The following PLXNB3 variants were observed in gnomAD, a reference collection of about 807,000 sequenced individuals.
PLXNB3 encodes plexin-B3.
PLXNB3 carries 80 observed loss-of-function variants against 125.7 expected under a neutral mutation model. That is an observed-to-expected ratio of 0.64 (90% CI 0.53 to 0.77). The LOEUF is 0.77. Ranked by LOEUF, PLXNB3 falls within the 30% of genes least tolerant of loss-of-function variation. PLXNB3 has a pLI of 0.00. For missense variants in PLXNB3, 1,836 were observed against 1,729.3 expected, an observed-to-expected ratio of 1.06 and a Z score of -1.09; for synonymous variants, 954 against 783.3, an observed-to-expected ratio of 1.22 and a Z score of -3.64.
chrX:153,771,176 C>T (rs1329442573), intron 12 of PLXNB3, 95 bp downstream of exon 12: 65 of 930,657 alleles, frequency 7.0e-5, no homozygotes, highest in Middle Eastern at 3.3e-4. Flanking sequence ...GGGCCCATAA[C>T]CTCTGTCTGT....
Position 153,773,928 on chromosome X carries a change from G to A in PLXNB3, c.3349G>A (p.Ala1117Thr), listed in dbSNP as rs781969979. ...LCRSPAVPDR[A>T]HPQRVFFTLD... Reference sequence around the variant, plus strand: ...CCGGAGCCCTGCTGTACCAGACAGAGCCCACCCGCAGCGGGTCTTCTTCAC... The same window carrying A: ...CCGGAGCCCTGCTGTACCAGACAGAACCCACCCGCAGCGGGTCTTCTTCAC... The change falls in exon 20 of 36, where the codon GCC (alanine) becomes ACC (threonine). Residue 1117 changes from alanine to threonine, a missense_variant. Coordinates refer to ENST00000361971, the MANE Select transcript of PLXNB3 (RefSeq NM_005393.3). 6.6e-6 allele frequency: 8 copies of A among 1,210,168 alleles called. No homozygotes were observed. The highest frequency in any genetic ancestry group is 1.7e-5 in the African/African-American group (1 of 57,594).
intron 15 of PLXNB3, 52 bp from the exon 16 acceptor site, chrX:153,772,130 C>CGCTCGGTAGCAGCTGG (rs2091937990): frequency 3.6e-6 from 4 of 1,099,236 alleles, no homozygotes; most frequent in Non-Finnish European, 3.6e-6. Flanking sequence ...GAGGGGTGGG[C>CGCTCGGTAGCAGCTGG]TGTCCCCTCC....
At chrX:153,772,850 G>C in intron 16 of PLXNB3, 36 bp from the exon 17 acceptor site, 4 of 1,079,461 alleles carry the variant, frequency 3.7e-6, no homozygotes, top group African/African-American at 3.8e-5. Context: ...GGCCAGGCTG[G>C]GCTGCCGTGC....
chrX:153,777,125 C>G, intron 29 of PLXNB3, 83 bp from the exon 30 acceptor site: 1 of 1,061,514 alleles, frequency 9.4e-7, no homozygotes. Context: ...CCCACACTGC[C>G]CCACCTTGTC....
intron 31 of PLXNB3, 47 bp downstream of exon 31, chrX:153,777,735 G>A (rs782468621): frequency 8.6e-7 from 1 of 1,169,216 alleles, no homozygotes; most frequent in African/African-American, 1.8e-5. Context: ...GGTCCACTGA[G>A]TCCCAGAGAG....
chrX:153,774,121 C>T (rs782506036), intron 20 of PLXNB3, 23 bp downstream of exon 20: 5 of 1,193,191 alleles, frequency 4.2e-6, no homozygotes. Context: ...TTCAACCCTG[C>T]CCCGCCACGG....
chrX:153,775,747 G>A (rs781970291), intron 26 of PLXNB3, 87 bp downstream of exon 26: 60 of 1,087,267 alleles, frequency 5.5e-5, no homozygotes, highest in Non-Finnish European at 6.8e-5. Flanking sequence ...TGCGCCCTAC[G>A]TGACGAAGGC....
In PLXNB3 at chrX:153,769,833, G is replaced by A. The variant is rs782803644; in HGVS notation, c.1523G>A (p.Arg508Gln). ...GRCTRKGQCG[R>Q]AGQLNQWLWS... ...TGTACCCGGAAGGGCCAGTGCGGGC[G>A]GGCAGGCCAGCTGAACCAGTGGCTG... Residue 508 changes from arginine to glutamine, a missense_variant, in exon 7 of 36, where the codon CGG becomes CAG. Coordinates refer to ENST00000361971, the MANE Select transcript of PLXNB3 (RefSeq NM_005393.3). 1.2e-5 allele frequency: 15 copies of A among 1,203,164 alleles called. No individual in the cohort carries two copies. The highest frequency in any genetic ancestry group is 1.2e-5 in the Non-Finnish European group (11 of 892,528).
At chrX:153,771,702 GC>G (rs782600365) in intron 14 of PLXNB3, 47 bp downstream of exon 14, 3 of 1,136,701 alleles carry the variant, frequency 2.6e-6, no homozygotes, top group East Asian at 6.2e-5. Context: ...CACTTCTCCT[GC>G]CCCGCACTGT....
At chrX:153,772,749 C>T (rs1417483129) in intron 16 of PLXNB3, 137 bp from the exon 17 acceptor site, 9 of 1,034,198 alleles carry the variant, frequency 8.7e-6, no homozygotes, top group Non-Finnish European at 9.8e-6. Flanking sequence ...GGAAGGAGGG[C>T]GTGGTCCACT....
At chrX:153,778,124 G>C in intron 32 of PLXNB3, 29 bp downstream of exon 32, 2 of 1,210,692 alleles carry the variant, frequency 1.7e-6, no homozygotes, top group African/African-American at 1.7e-5. Flanking sequence ...GCAGCAGCTG[G>C]CAGGGGCTTG....
At chrX:153,778,164 A>AG (rs782774301) in intron 32 of PLXNB3, 69 bp downstream of exon 32, 2 of 1,198,855 alleles carry the variant, frequency 1.7e-6, no homozygotes, top group Middle Eastern at 2.3e-4. Flanking sequence ...GGAAGCCTAG[A>AG]GGGCTGTGCA....
chrX:153,775,859 C>T (rs1025429774), intron 26 of PLXNB3, 28 bp from the exon 27 acceptor site: 15 of 1,187,466 alleles, frequency 1.3e-5, no homozygotes, highest in Non-Finnish European at 1.7e-5. Flanking sequence ...CCTCGCTTGG[C>T]TGATGCCGGC....
Position 153,770,264 on chromosome X carries a change from G to A in PLXNB3, c.1786+16G>A, listed in dbSNP as rs1198714188. On this transcript the variant is annotated intron_variant, in intron 8 of 35. Transcript: ENST00000361971. ...CCAGGCACAGGTGAGTGGCCCATGG[G>A]GTAGGGGGCTGGGATGGAGGCTGGA... 2 of 1,209,447 alleles carry A rather than the reference G, an allele frequency of 1.7e-6. No individual in the cohort carries two copies. The highest frequency in any genetic ancestry group is 2.2e-5 in the Admixed American group (1 of 46,042).
In PLXNB3 at chrX:153,769,137, CCT is replaced by C. The variant is rs782638859; in HGVS notation, c.1396-20_1396-19del. 1.6e-5 allele frequency: 19 copies of C among 1,195,413 alleles called. No homozygotes were observed. In the African/African-American group the frequency reaches 2.8e-4, roughly 18 times the overall value. On this transcript the variant is annotated intron_variant, in intron 5 of 35. Transcript: ENST00000361971. The stretch of plus-strand genomic sequence containing the variant: ...CGCGGCCCAAGTCTCGTGCCCATTG[CCT>C]CTCTGCTCTGCTGCCCCTCCAGGTG...
At chrX:153,769,402 C>T in intron 6 of PLXNB3, 140 bp downstream of exon 6, 1 of 486,615 alleles carries the variant, frequency 2.1e-6, no homozygotes, top group East Asian at 3.7e-5. Flanking sequence ...GGTCACCCAT[C>T]CTGCCCCATC....
chrX:153,768,512 G>T (rs2091885207), intron 4 of PLXNB3, 84 bp downstream of exon 4: 1 of 907,654 alleles, frequency 1.1e-6, no homozygotes, highest in East Asian at 3.4e-5. Flanking sequence ...CCACCTCTTA[G>T]CCCGCATCCC....
At position 153,770,193 on chromosome X, in the gene PLXNB3, C is replaced by T. The variant is rs782548296; in HGVS notation, c.1731C>T (p.His577=). The T allele has an allele frequency of 1.3e-5, 16 of 1,209,944 alleles. No individual in the cohort carries two copies. The highest frequency in any genetic ancestry group is 5.2e-5 in the African/African-American group (3 of 57,464). The change falls in exon 8 of 36, where the codon CAC becomes CAT. Residue 577 remains histidine (H), a synonymous_variant. Coordinates refer to ENST00000361971, the MANE Select transcript of PLXNB3 (RefSeq NM_005393.3). ...YDSLAHVEGP[H]VACVTPPQDQ... is the part of the protein sequence containing the mutation. ...GCTTGGCTCATGTGGAAGGGCCCCA[C>T]GTGGCCTGTGTCACCCCTCCCCAAG...
Position 153,771,989 on chromosome X carries a change from G to A in PLXNB3, c.2643G>A (p.Glu881=), listed in dbSNP as rs781951810. The change falls in exon 15 of 36, where the codon GAG becomes GAA. Residue 881 remains glutamate (E), a synonymous_variant. Coordinates refer to ENST00000361971, the MANE Select transcript of PLXNB3 (RefSeq NM_005393.3). ...VSVASRPCNP[E]PSLYRTSARI... ...TGGCCAGCCGGCCCTGCAACCCTGA[G>A]CCCTCTCTCTACCGCACGTCGGCCC... The A allele has an allele frequency of 8.8e-5, 106 of 1,202,854 alleles. No individual in the cohort carries two copies. The highest frequency in any genetic ancestry group is 1.1e-4 in the Non-Finnish European group (101 of 891,299).
Sources: allele counts gnomAD v4.1 joint callset, GRCh38; gene constraint gnomAD v4.1.1; transcripts MANE v1.5; gene names NCBI Gene and HGNC (gene_info 2026-07-23, HGNC 2026-07-21).